Variants in SYT1 observed in about 807,000 individuals in gnomAD.
SYT1 encodes synaptotagmin-1.
SYT1 carries 8 observed loss-of-function variants against 44.8 expected under a neutral mutation model. The observed-to-expected ratio is 0.18, with a 90% CI of 0.10 to 0.32. The LOEUF is 0.32. Among genes scored for constraint, SYT1 ranks in the 10% least tolerant of loss-of-function variants. The pLI, the probability that SYT1 is intolerant of heterozygous loss-of-function variation, is 1.00. For synonymous variants in SYT1, 154 were observed against 188.8 expected (o/e 0.82, Z 1.51); for missense variants, 286 against 509.3 (o/e 0.56, Z 4.22).
chr12:79,310,400 T>A (rs1394951015), intron 8 of SYT1, among the ~76,000 whole-genome samples: 1 of 152,088 alleles, frequency 6.6e-6, no homozygotes, highest in Admixed American at 6.5e-5. Context: ...ACCAGTACCA[T>A]GCTGTTTTGG....
chr12:79,100,833 CTG>C (rs1878405607), intron 3 of SYT1, among the ~76,000 whole-genome samples: 3 of 152,036 alleles, frequency 2.0e-5, no homozygotes, highest in Admixed American at 1.3e-4. Flanking sequence ...TGTATAATAA[CTG>C]TTTTTTAAAA....
At chr12:79,044,253 T>C (rs1174519815) in intron 2 of SYT1, among the ~76,000 whole-genome samples, 5 of 152,218 alleles carry the variant, frequency 3.3e-5, no homozygotes. Context: ...CCCCATCACT[T>C]TCAGGTACAC....
At chr12:78,871,843 A>G (rs2137036239) in intron 1 of SYT1, among the ~76,000 whole-genome samples, 1 of 151,986 alleles carries the variant, frequency 6.6e-6, no homozygotes, top group South Asian at 2.1e-4. Context: ...TGGGCATTAG[A>G]GCATATTTCT....
At chr12:78,951,904 A>T (rs1178476443) in intron 1 of SYT1, among the ~76,000 whole-genome samples, 1 of 152,088 alleles carries the variant, frequency 6.6e-6, no homozygotes, top group Non-Finnish European at 1.5e-5. Flanking sequence ...TGTCTGTTCT[A>T]ATGACCACAC....
intron 2 of SYT1, among the ~76,000 whole-genome samples, chr12:79,044,453 C>T (rs1321346137): frequency 6.7e-6 from 1 of 150,052 alleles, no homozygotes; most frequent in East Asian, 2.0e-4. Context: ...TCACGTAGTT[C>T]TCGAGCCTTG....
intron 1 of SYT1, among the ~76,000 whole-genome samples, chr12:78,976,381 G>C (rs1868833722): frequency 1.3e-5 from 2 of 152,108 alleles, no homozygotes; most frequent in South Asian, 4.2e-4. Flanking sequence ...GCCATTCAGG[G>C]AATAAAACTC....
intron 3 of SYT1, among the ~76,000 whole-genome samples, chr12:79,142,654 A>G (rs756559254): frequency 5.9e-5 from 9 of 152,250 alleles, no homozygotes; most frequent in Non-Finnish European, 1.3e-4. Context: ...TTCAAATATT[A>G]GTAAAATGAG....
At chr12:79,205,317 C>G (rs1256723465) in intron 3 of SYT1, among the ~76,000 whole-genome samples, 2 of 152,076 alleles carry the variant, frequency 1.3e-5, no homozygotes, top group Non-Finnish European at 2.9e-5. Context: ...TTTTATAATG[C>G]ATTTGAAAAA....
intron 1 of SYT1, among the ~76,000 whole-genome samples, chr12:78,883,708 T>G (rs1388047570): frequency 6.6e-6 from 1 of 151,740 alleles, no homozygotes; most frequent in Admixed American, 6.6e-5. Flanking sequence ...CTGAAACAGA[T>G]AATCATTCTT....
intron 9 of SYT1, among the ~76,000 whole-genome samples, chr12:79,412,643 T>C (rs1405212456): frequency 6.6e-6 from 1 of 152,192 alleles, no homozygotes; most frequent in Non-Finnish European, 1.5e-5. Context: ...ATTTTGAGTT[T>C]TTCTGTATTA....
At chr12:79,340,733 G>A (rs1486162405) in intron 8 of SYT1, among the ~76,000 whole-genome samples, 1 of 152,136 alleles carries the variant, frequency 6.6e-6, no homozygotes, top group Non-Finnish European at 1.5e-5. Context: ...GCCCATTAGG[G>A]GGTGAAACAG....
chr12:78,990,988 TA>T (rs1310455051), intron 2 of SYT1, among the ~76,000 whole-genome samples: 1 of 152,192 alleles, frequency 6.6e-6, no homozygotes, highest in Non-Finnish European at 1.5e-5. Flanking sequence ...ATCTTTGTTT[TA>T]CTTATAAGGC....
At chr12:79,394,043 T>G (rs1450346017) in intron 9 of SYT1, 1 of 152,236 alleles carries the variant, frequency 6.6e-6, no homozygotes, top group African/African-American at 2.4e-5. Flanking sequence ...CTATGTCAAT[T>G]TACACCTTGT....
intron 4 of SYT1, among the ~76,000 whole-genome samples, chr12:79,249,088 CTTTTTTTTTTTT>C (rs58983623): frequency 7.0e-5 from 5 of 71,816 alleles, no homozygotes; most frequent in South Asian, 5.5e-4. Context: ...TTACCTCTTT[CTTTTTTTTTTTT>C]TTTTTTTTTT....
intron 3 of SYT1, among the ~76,000 whole-genome samples, chr12:79,137,046 A>G (rs936000264): frequency 2.6e-5 from 4 of 152,058 alleles, no homozygotes; most frequent in Non-Finnish European, 5.9e-5. Flanking sequence ...TAGGTCTAAC[A>G]TTTATTATTC....
intron 6 of SYT1, among the ~76,000 whole-genome samples, chr12:79,295,578 T>A (rs994527543): frequency 2.0e-5 from 3 of 152,222 alleles, no homozygotes; most frequent in Admixed American, 6.5e-5. Flanking sequence ...GAAGATCTTA[T>A]TTTTTATCTC....
intron 3 of SYT1, among the ~76,000 whole-genome samples, chr12:79,103,790 G>A (rs1399383847): frequency 1.3e-5 from 2 of 151,974 alleles, no homozygotes; most frequent in Non-Finnish European, 2.9e-5. Flanking sequence ...CTCTGAGCAG[G>A]CATTTTTCAT....
At position 79,433,441 on chromosome 12, in the gene SYT1, A is replaced by C. The variant is rs141553081; in HGVS notation, c.929-10632A>C. 1.1e-3 allele frequency among the ~76,000 whole-genome samples: 163 copies of C among 152,350 alleles called. 1 individual carries two copies. The highest frequency in any genetic ancestry group is 3.8e-3 in the African/African-American group (156 of 41,586). On this transcript the variant is annotated intron_variant, in intron 9 of 10. Coordinates refer to ENST00000261205, the MANE Select transcript of SYT1 (RefSeq NM_005639.3). ...AAAAATCCTAGCAGCAATGTTACCA[A>C]GTAACAGTGTTACTGATATTATTTC...
intron 2 of SYT1, among the ~76,000 whole-genome samples, chr12:79,011,841 G>A (rs1871426904): frequency 6.6e-6 from 1 of 151,836 alleles, no homozygotes; most frequent in Admixed American, 6.6e-5. Flanking sequence ...ACCATCTGTG[G>A]GTGTTTTAGG....
Sources: gnomAD v4.1 joint callset for allele counts (sites outside exome capture counted in the v4.1 genomes callset) on GRCh38, gnomAD v4.1.1 for gene constraint, MANE v1.5 for transcripts, NCBI Gene and HGNC (gene_info 2026-07-23, HGNC 2026-07-21) for gene names.